The following SETDB1 variants were observed in gnomAD, a reference collection of about 807,000 sequenced individuals.
SETDB1 encodes the protein SET domain bifurcated histone lysine methyltransferase 1.
A neutral mutation model predicts 137.4 loss-of-function variants in SETDB1; 31 were observed. That is an observed-to-expected ratio of 0.23 (90% CI 0.17 to 0.30). The LOEUF (loss-of-function observed/expected upper bound fraction) is 0.30, where lower values mean the gene tolerates loss of function less well. SETDB1 is among the 10% of genes least tolerant of loss of function. The probability of loss-of-function intolerance (pLI) is 1.00; values close to 1 mark genes in which losing one functional copy is unlikely to be tolerated. For synonymous variants in SETDB1, 548 were observed against 579.9 expected (o/e 0.95, Z 0.79); for missense variants, 1,113 against 1,631.5 (o/e 0.68, Z 5.47).
intron 1 of SETDB1, among the ~76,000 whole-genome samples, 195 bp from the exon 2 acceptor site, chr1:150,927,509 T>G (rs778139073): frequency 8.5e-5 from 13 of 152,186 alleles, no homozygotes; most frequent in African/African-American, 1.2e-4. Context: ...TCAGGAGTGT[T>G]AGCGTACAGC....
chr1:150,942,551 C>T lies in SETDB1; in HGVS notation c.548-12C>T. The T allele has an allele frequency of 6.2e-7, 1 of 1,605,936 alleles. No homozygotes were observed. The highest frequency in any genetic ancestry group is 8.5e-7 in the Non-Finnish European group (1 of 1,176,390). ...GTCATAACTCTTGAGAATAACTTTG[C>T]TTCTTCTATAGGAACCTTGAGTCAG... On this transcript the variant is annotated splice_polypyrimidine_tract_variant and intron_variant, in intron 5 of 21. Coordinates refer to ENST00000692827, the MANE Select transcript of SETDB1 (RefSeq NM_001366418.1).
chr1:150,951,469 G>A lies in SETDB1; in HGVS notation c.2321G>A (p.Cys774Tyr). ...TACCAGTACAAGAGACTAGAAGAGT[G>A]TCTACCCACAGGGTAAGTGGTCAAG... ...SGYQYKRLEE[C>Y]LPTGVYECNK... Residue 774 changes from cysteine (C) to tyrosine (Y), a missense_variant, in exon 14 of 22, where the codon TGT (cysteine) becomes TAT (tyrosine). By Grantham distance (194) the Cys-to-Tyr change is radical. Coordinates refer to ENST00000692827, the MANE Select transcript of SETDB1 (RefSeq NM_001366418.1). The A allele has an allele frequency of 6.3e-7, 1 of 1,587,468 alleles. No homozygotes were observed. Among genetic ancestry groups the A allele is most frequent in the Non-Finnish European group, 8.7e-7 (1 of 1,155,722 alleles).
At chr1:150,948,429 C>G (rs775776323) in intron 10 of SETDB1, among the ~76,000 whole-genome samples, 1 of 151,874 alleles carries the variant, frequency 6.6e-6, no homozygotes, top group Non-Finnish European at 1.5e-5. Flanking sequence ...TGCTACCATG[C>G]CAGGCTAATT....
chr1:150,939,733 G>A (rs953526918), intron 3 of SETDB1, among the ~76,000 whole-genome samples: 3 of 152,124 alleles, frequency 2.0e-5, no homozygotes, highest in Non-Finnish European at 2.9e-5. Context: ...GATTACAGGT[G>A]TGAGCCACCA....
At chr1:150,963,411 C>A in intron 19 of SETDB1, 119 bp from the exon 20 acceptor site, 1 of 923,352 alleles carries the variant, frequency 1.1e-6, no homozygotes, top group Non-Finnish European at 1.7e-6. Flanking sequence ...TGAGTTCCAG[C>A]TTATTGGTGT....
rs371483559 is a variant in SETDB1, at chr1:150,932,347, A to C, written c.412+2229A>C. 5.9e-5 allele frequency among the ~76,000 whole-genome samples: 9 copies of C among 152,118 alleles called. No homozygotes were observed. The East Asian group carries it at 9.6e-4, about 16-fold the overall frequency. On this transcript the variant is annotated intron_variant, in intron 3 of 21. Transcript: ENST00000692827. ...GGTAGCAGGGTAATATAGGCCTTGT[A>C]AATGAGTTGAGAAGTGTTCCCTCCT...
chr1:150,956,482 G>T (rs587661261), intron 14 of SETDB1, among the ~76,000 whole-genome samples: 2 of 152,218 alleles, frequency 1.3e-5, no homozygotes, highest in Admixed American at 6.5e-5. Context: ...TGACACCTGA[G>T]TTCAAATTCC....
At chr1:150,951,178 C>T in intron 13 of SETDB1, 88 bp downstream of exon 13, 1 of 1,389,756 alleles carries the variant, frequency 7.2e-7, no homozygotes, top group South Asian at 1.3e-5. Flanking sequence ...ATCTGTACTG[C>T]TTTCCCCATC....
chr1:150,944,282 G>A (rs982575677), intron 8 of SETDB1, among the ~76,000 whole-genome samples: 1 of 152,170 alleles, frequency 6.6e-6, no homozygotes, highest in Non-Finnish European at 1.5e-5. Flanking sequence ...TCATTTCTAA[G>A]TGAGTTACGT....
intron 14 of SETDB1, among the ~76,000 whole-genome samples, chr1:150,953,202 G>C (rs1011866157): frequency 5.3e-5 from 8 of 152,046 alleles, no homozygotes; most frequent in Non-Finnish European, 1.0e-4. Flanking sequence ...GACCAGACTG[G>C]GCAACATAGT....
intron 14 of SETDB1, among the ~76,000 whole-genome samples, chr1:150,956,275 A>G (rs1670638234): frequency 6.6e-6 from 1 of 150,970 alleles, no homozygotes; most frequent in Admixed American, 6.6e-5. Context: ...AATCCCAGCT[A>G]CTCCAGAGGC....
At chr1:150,936,992 G>A (rs1481616681) in intron 3 of SETDB1, among the ~76,000 whole-genome samples, 1 of 152,152 alleles carries the variant, frequency 6.6e-6, no homozygotes, top group Non-Finnish European at 1.5e-5. Context: ...GGGTATGGTG[G>A]TGGGTGCCTG....
chr1:150,928,375 T>A lies in SETDB1; in HGVS notation c.260+401T>A, dbSNP rs374658415. ...CTGACCTTACAATCAGCCGTAAATA[T>A]AATTTTCATCTGTCAGCAGCTAATA... On this transcript the variant is annotated intron_variant, in intron 2 of 21. Coordinates refer to ENST00000692827, the MANE Select transcript of SETDB1 (RefSeq NM_001366418.1). 65 of 197,174 alleles carry A rather than the reference T, an allele frequency of 3.3e-4. 2 individuals are homozygous for A. The East Asian group carries it at 7.3e-3, about 22-fold the overall frequency. The allele number at this position is 197,174 out of a possible 1,614,324, so 12.2% of individuals were successfully genotyped here.
chr1:150,926,520 GCGGGGAA>G lies in SETDB1; in HGVS notation c.-12+4_-12+10del. ...CCCTTGAAGCTGGAAGACGGGAGGTGCGGGGAATACTGTTGAGTTATTTGGTGACCAA... is the reference window on the plus strand; with the variant it reads ...CCCTTGAAGCTGGAAGACGGGAGGTGTACTGTTGAGTTATTTGGTGACCAA... On this transcript the variant is annotated splice_donor_5th_base_variant and intron_variant, in intron 1 of 21. Coordinates refer to ENST00000692827, the MANE Select transcript of SETDB1 (RefSeq NM_001366418.1). 3.0e-6 allele frequency: 1 copy of G among 333,534 alleles called. No individual in the cohort carries two copies. The highest frequency in any genetic ancestry group is 2.4e-5 in the South Asian group (1 of 41,746). 20.7% of individuals were successfully genotyped at this position (333,534 alleles called of 1,614,324 possible).
chr1:150,949,474 C>T lies in SETDB1; in HGVS notation c.1532C>T (p.Ala511Val). The T allele has an allele frequency of 6.2e-7, 1 of 1,614,092 alleles. No homozygotes were observed. ...GGTCATTCCTCCCCTACATCTCCTG[C>T]ACTCAGTGAAAATGTCTCTGGTGGG... Reference protein sequence around the residue: ...GSGHSSPTSPALSENVSGGKP... With the variant: ...GSGHSSPTSPVLSENVSGGKP... Residue 511 changes from alanine (A) to valine (V), a missense_variant, in exon 12 of 22, where the codon GCA (alanine) becomes GTA (valine). Physicochemically the swap from Ala to Val is moderately conservative, Grantham distance 64. Transcript: ENST00000692827.
At chr1:150,931,726 C>CAAAAAAAAAAAA (rs10691133) in intron 3 of SETDB1, among the ~76,000 whole-genome samples, 1 of 72,348 alleles carries the variant, frequency 1.4e-5, no homozygotes, top group Non-Finnish European at 2.7e-5. Flanking sequence ...CTGTCTCACC[C>CAAAAAAAAAAAA]AAAAAAAAAA....
rs200122173 is a variant in SETDB1 at position 150,927,864 on chromosome 1, G to T, written c.150G>T (p.Lys50Asn). Residue 50 changes from lysine to asparagine, a missense_variant, in exon 2 of 22, where the codon AAG (lysine) becomes AAT (asparagine). Coordinates refer to ENST00000692827, the MANE Select transcript of SETDB1 (RefSeq NM_001366418.1). ...LRHFIDEELE[K>N]MDCVQQRKKQ... ...ATTTCATCGATGAGGAACTGGAGAA[G>T]ATGGATTGTGTACAGCAACGCAAGA... The T allele has an allele frequency of 2.5e-6, 4 of 1,614,046 alleles. No homozygotes were observed. Among genetic ancestry groups the T allele is most frequent in the Non-Finnish European group, 3.4e-6 (4 of 1,180,040 alleles).
At position 150,954,823 on chromosome 1, in the gene SETDB1, T is replaced by G. The variant is rs868160076; in HGVS notation, c.2333+3342T>G. Among the ~76,000 whole-genome samples the G allele has an allele frequency of 3.3e-5, 5 of 151,780 alleles. 1 individual carries two copies. In the Middle Eastern group the frequency reaches 0.014, roughly 413 times the overall value. ...TTTTTAGACATGCAGTACCTCAGAGTTTTTCATCATTCCCCTTCTCAGAAA... is the reference window on the plus strand; with the variant it reads ...TTTTTAGACATGCAGTACCTCAGAGGTTTTCATCATTCCCCTTCTCAGAAA... On this transcript the variant is annotated intron_variant, in intron 14 of 21. Coordinates refer to ENST00000692827, the MANE Select transcript of SETDB1 (RefSeq NM_001366418.1).
rs145251874 is a variant in SETDB1, at chr1:150,927,746, A to T, written c.32A>T (p.Asp11Val). 6.9e-5 allele frequency: 111 copies of T among 1,614,034 alleles called. No homozygotes were observed. Among genetic ancestry groups the T allele is most frequent in the South Asian group, 1.1e-4 (10 of 91,080 alleles). The change falls in exon 2 of 22, where the codon GAT (aspartate) becomes GTT (valine). Residue 11 changes from aspartate to valine, a missense_variant. Asp to Val is a radical substitution (Grantham distance 152). Around this residue, in one of 11 missense-constraint regions of SETDB1, gnomAD observed 32 missense variants for 26.3 expected, o/e 1.22. Transcript: ENST00000692827. MSSLPGCIGLDAATATVESEE... is the reference protein window; with the variant it reads MSSLPGCIGLVAATATVESEE... The stretch of plus-strand genomic sequence containing the variant: ...TCCCTTCCTGGGTGCATTGGTTTGG[A>T]TGCAGCAACAGCTACAGTGGAGTCT...
Sources: allele counts gnomAD v4.1 joint callset (sites outside exome capture counted in the v4.1 genomes callset), GRCh38; gene constraint gnomAD v4.1.1; regional missense constraint gnomAD v4.1.1; transcripts MANE v1.5; gene names NCBI Gene and HGNC (gene_info 2026-07-23, HGNC 2026-07-21).